Variants in SOCS5 observed in about 807,000 individuals in gnomAD.
SOCS5 encodes suppressor of cytokine signaling 5, also known as CIS-6.
Under a neutral mutation model 42.8 loss-of-function variants are expected in SOCS5, and 32 were observed. The observed-to-expected ratio is 0.75, with a 90% CI of 0.56 to 1.01. SOCS5 has a LOEUF of 1.01. Among genes scored for constraint, SOCS5 ranks in the 50% least tolerant of loss-of-function variants. The probability of loss-of-function intolerance (pLI) is 0.00; values close to 1 mark genes in which losing one functional copy is unlikely to be tolerated. For missense variants in SOCS5, 627 were observed against 653.0 expected, an observed-to-expected ratio of 0.96 and a Z score of 0.43; for synonymous variants, 283 against 229.6, an observed-to-expected ratio of 1.23 and a Z score of -2.10.
intron 1 of SOCS5, among the ~76,000 whole-genome samples, chr2:46,752,754 T>C (rs1419255273): frequency 6.6e-6 from 1 of 152,178 alleles, no homozygotes; most frequent in Admixed American, 6.5e-5. Context: ...AACAGCAACA[T>C]TTTAAAAATT....
intron 1 of SOCS5, among the ~76,000 whole-genome samples, chr2:46,714,748 T>C (rs1042255304): frequency 1.3e-5 from 2 of 152,210 alleles, no homozygotes; most frequent in Admixed American, 6.5e-5. Context: ...AATTTTGATA[T>C]AGTTGAATGA....
chr2:46,724,349 A>G (rs1351962523), intron 1 of SOCS5, among the ~76,000 whole-genome samples: 1 of 151,976 alleles, frequency 6.6e-6, no homozygotes, highest in Non-Finnish European at 1.5e-5. Flanking sequence ...TTTCCCAACT[A>G]TAGAGTGAAA....
intron 1 of SOCS5, among the ~76,000 whole-genome samples, chr2:46,752,348 C>A (rs1004706669): frequency 1.3e-5 from 2 of 152,024 alleles, no homozygotes; most frequent in African/African-American, 2.4e-5. Context: ...CAGTTTCATC[C>A]TAAAACCTTC....
rs1014788727 is a variant in SOCS5, at chr2:46,759,819, T to C, written c.1289T>C (p.Ile430Thr). 1 of 1,614,198 alleles carries C rather than the reference T, an allele frequency of 6.2e-7. No homozygotes were observed. The highest frequency in any genetic ancestry group is 8.5e-7 in the Non-Finnish European group (1 of 1,180,028). ...TACAACAGATCCCTGCATGCCCGAATTGAGCAGTGGAATCACAACTTTAGT... is the reference window on the plus strand; with the variant it reads ...TACAACAGATCCCTGCATGCCCGAACTGAGCAGTGGAATCACAACTTTAGT... ...RRYNRSLHARIEQWNHNFSFD... is the reference protein window; with the variant it reads ...RRYNRSLHARTEQWNHNFSFD... Residue 430 changes from isoleucine to threonine, a missense_variant, in exon 2 of 2, where the codon ATT becomes ACT. By Grantham distance (89) the Ile-to-Thr change is moderately conservative. This residue lies in a region of SOCS5 where 340 missense variants were observed against 367.6 expected (regional missense o/e 0.92). Transcript: ENST00000394861.
intron 1 of SOCS5, among the ~76,000 whole-genome samples, chr2:46,743,778 T>G (rs150522408): frequency 1.3e-5 from 2 of 152,118 alleles, no homozygotes; most frequent in African/African-American, 2.4e-5. Context: ...CTGGGGGGCA[T>G]CTCCAAATAT....
intron 1 of SOCS5, among the ~76,000 whole-genome samples, chr2:46,737,990 T>C (rs1238583730): frequency 2.0e-5 from 3 of 152,238 alleles, no homozygotes; most frequent in Non-Finnish European, 2.9e-5. Context: ...CTTGAAATGA[T>C]CTGAAAAGGT....
intron 1 of SOCS5, among the ~76,000 whole-genome samples, chr2:46,713,061 A>C (rs1030510610): frequency 3.5e-4 from 53 of 152,348 alleles, no homozygotes; most frequent in African/African-American, 1.3e-3. Flanking sequence ...TAATTTATAA[A>C]AGAATGAATA....
At chr2:46,705,333 C>G (rs1439021106) in intron 1 of SOCS5, among the ~76,000 whole-genome samples, 1 of 152,154 alleles carries the variant, frequency 6.6e-6, no homozygotes, top group Non-Finnish European at 1.5e-5. Context: ...CCTGTGCAAT[C>G]TCACGCTGTC....
rs751438627 is a variant in SOCS5, at chr2:46,759,599, T to C, written c.1069T>C (p.Trp357Arg). ...SHTHVSRQGA[W>R]KVHTQIDYIH... ...TACCCATGTTAGCAGACAGGGAGCT[T>C]GGAAAGTCCACACACAGATTGATTA... The change falls in exon 2 of 2, where the codon TGG (tryptophan) becomes CGG (arginine). Residue 357 changes from tryptophan (W) to arginine (R), a missense_variant. Around this residue, in one of 3 missense-constraint regions of SOCS5, gnomAD observed 340 missense variants for 367.6 expected, o/e 0.92. Transcript: ENST00000394861. The C allele has an allele frequency of 6.2e-7, 1 of 1,613,922 alleles. No homozygotes were observed. Among genetic ancestry groups the C allele is most frequent in the South Asian group, 1.1e-5 (1 of 91,068 alleles).
intron 1 of SOCS5, among the ~76,000 whole-genome samples, chr2:46,747,287 C>T (rs1673524062): frequency 6.6e-6 from 1 of 152,050 alleles, no homozygotes; most frequent in South Asian, 2.1e-4. Context: ...ATAGTGCAGT[C>T]ACAGCTCACT....
chr2:46,725,029 T>C (rs1672962186), intron 1 of SOCS5, among the ~76,000 whole-genome samples: 1 of 152,082 alleles, frequency 6.6e-6, no homozygotes. Context: ...TTTTGCTTCA[T>C]ATATTTTGAA....
In SOCS5 at chr2:46,759,300, C is replaced by T; in HGVS notation, c.770C>T (p.Thr257Ile). The T allele has an allele frequency of 1.9e-6, 3 of 1,613,970 alleles. No homozygotes were observed. Among genetic ancestry groups the T allele is most frequent in the East Asian group, 2.2e-5 (1 of 44,878 alleles). The change falls in exon 2 of 2, where the codon ACA (threonine) becomes ATA (isoleucine). Residue 257 changes from threonine to isoleucine, a missense_variant. Thr to Ile is a moderately conservative substitution (Grantham distance 89, BLOSUM62 -1). This residue lies in a region of SOCS5 where 340 missense variants were observed against 367.6 expected (regional missense o/e 0.92). Coordinates refer to ENST00000394861, the MANE Select transcript of SOCS5 (RefSeq NM_144949.3). ...FDTFDPSLVS[T>I]EDEEDRLRER... Reference sequence around the variant, plus strand: ...ACATTTGATCCATCTTTGGTTTCTACAGAAGATGAAGAAGATAGGCTTAGA... The same window carrying T: ...ACATTTGATCCATCTTTGGTTTCTATAGAAGATGAAGAAGATAGGCTTAGA...
intron 1 of SOCS5, among the ~76,000 whole-genome samples, chr2:46,753,997 G>T (rs1239540212): frequency 1.3e-5 from 2 of 152,114 alleles, no homozygotes; most frequent in African/African-American, 4.8e-5. Flanking sequence ...GTTTTATCAA[G>T]GGTCTTTGTG....
In SOCS5 at chr2:46,762,010, TC is replaced by T. The variant is rs1673882601; in HGVS notation, c.*1870del. ...TGAAGTCTTGTGAATTTGTAATAGATCAGTACCATTTATTGGTTTGGGGACC... is the reference window on the plus strand; with the variant it reads ...TGAAGTCTTGTGAATTTGTAATAGATAGTACCATTTATTGGTTTGGGGACC... On this transcript the variant is annotated 3_prime_UTR_variant, in exon 2 of 2. Coordinates refer to ENST00000394861, the MANE Select transcript of SOCS5 (RefSeq NM_144949.3). 1 of 167,008 alleles carries T rather than the reference TC, an allele frequency of 6.0e-6. No homozygotes were observed. 10.3% of individuals were successfully genotyped at this position (167,008 alleles called of 1,614,324 possible).
At chr2:46,714,773 A>G (rs1394621712) in intron 1 of SOCS5, among the ~76,000 whole-genome samples, 1 of 152,144 alleles carries the variant, frequency 6.6e-6, no homozygotes, top group East Asian at 1.9e-4. Flanking sequence ...GTGCCATCTT[A>G]CTATTTGTTT....
intron 1 of SOCS5, among the ~76,000 whole-genome samples, chr2:46,729,784 C>G (rs1230548469): frequency 1.3e-5 from 2 of 152,162 alleles, no homozygotes; most frequent in African/African-American, 4.8e-5. Context: ...TTAAAAATCT[C>G]TTTCTTCAAT....
intron 1 of SOCS5, among the ~76,000 whole-genome samples, chr2:46,756,751 A>G (rs1347235436): frequency 6.6e-6 from 1 of 152,228 alleles, no homozygotes; most frequent in East Asian, 1.9e-4. Flanking sequence ...ATCTACAAAG[A>G]TAATGGAGTC....
intron 1 of SOCS5, among the ~76,000 whole-genome samples, chr2:46,730,529 G>A (rs2103726479): frequency 6.6e-6 from 1 of 152,312 alleles, no homozygotes; most frequent in Middle Eastern, 3.4e-3. Context: ...GAACTCAGGA[G>A]GCGGAGGTTG....
intron 1 of SOCS5, among the ~76,000 whole-genome samples, chr2:46,752,622 T>C (rs1355193637): frequency 1.3e-5 from 2 of 152,196 alleles, no homozygotes; most frequent in Non-Finnish European, 2.9e-5. Context: ...ATGTTTTGAG[T>C]GTTACATTTT....
Sources: gnomAD v4.1 joint callset for allele counts (sites outside exome capture counted in the v4.1 genomes callset) on GRCh38, gnomAD v4.1.1 for gene constraint, gnomAD v4.1.1 regional missense constraint, MANE v1.5 for transcripts, NCBI Gene and HGNC (gene_info 2026-07-23, HGNC 2026-07-21) for gene names.